Variants in UCK2 observed in about 807,000 individuals in gnomAD.
UCK2 encodes cytidine monophosphokinase 2.
In UCK2, 6 loss-of-function variants were observed where a neutral mutation model predicts 30.8. The ratio of observed to expected loss-of-function variants is 0.19; its 90% CI spans 0.11 to 0.38. The LOEUF is 0.38. Among genes scored for constraint, UCK2 ranks in the 10% least tolerant of loss-of-function variants. UCK2 has a pLI of 1.00. For synonymous variants in UCK2, 125 were observed against 133.6 expected, an observed-to-expected ratio of 0.94 and a Z score of 0.45; for missense variants, 210 against 339.8, an observed-to-expected ratio of 0.62 and a Z score of 3.00.
Position 165,870,903 on chromosome 1 carries a change from C to T in UCK2, c.100-19301C>T, listed in dbSNP as rs147314270. ...CACGATCTTGGCTCATTGCAACCTCCGCCGTCCAGGTTCAAGCCATTCTCC... is the reference window on the plus strand; with the variant it reads ...CACGATCTTGGCTCATTGCAACCTCTGCCGTCCAGGTTCAAGCCATTCTCC... On this transcript the variant is annotated intron_variant, in intron 1 of 6. Transcript: ENST00000367879. Among the ~76,000 whole-genome samples, 159 of 152,322 alleles carry T rather than the reference C, an allele frequency of 1.0e-3. 1 individual carries two copies. The East Asian group carries it at 0.024, about 23-fold the overall frequency.
intron 1 of UCK2, among the ~76,000 whole-genome samples, chr1:165,845,166 A>T (rs545868563): frequency 2.0e-5 from 3 of 152,088 alleles, no homozygotes; most frequent in Non-Finnish European, 4.4e-5. Context: ...CTCCAGGTAG[A>T]TCGTGTCAGA....
intron 1 of UCK2, among the ~76,000 whole-genome samples, chr1:165,835,532 A>G (rs1654166423): frequency 6.6e-6 from 1 of 151,986 alleles, no homozygotes; most frequent in Admixed American, 6.6e-5. Flanking sequence ...AGTTTTTTTC[A>G]TTATAAATAA....
rs543379797 is a variant in UCK2, at chr1:165,860,137, G to A, written c.100-30067G>A. Reference sequence around the variant, plus strand: ...AACCCTGTGCACGCAGTTGCACTGCGGGGCAGATTCAAGATGCTCACCCTG... The same window carrying A: ...AACCCTGTGCACGCAGTTGCACTGCAGGGCAGATTCAAGATGCTCACCCTG... On this transcript the variant is annotated intron_variant, in intron 1 of 6. Coordinates refer to ENST00000367879, the MANE Select transcript of UCK2 (RefSeq NM_012474.5). Among the ~76,000 whole-genome samples the A allele has an allele frequency of 5.9e-5, 9 of 152,284 alleles. No homozygotes were observed. In the South Asian group the frequency reaches 8.3e-4, roughly 14 times the overall value.
chr1:165,847,123 A>T (rs949202376), intron 1 of UCK2, among the ~76,000 whole-genome samples: 3 of 147,010 alleles, frequency 2.0e-5, no homozygotes, highest in African/African-American at 7.5e-5. Flanking sequence ...TGGTAAAAGT[A>T]AAAAAAAAAA....
At position 165,848,675 on chromosome 1, in the gene UCK2, CA is replaced by C. The variant is rs879925168; in HGVS notation, c.99+20744del. On this transcript the variant is annotated intron_variant, in intron 1 of 6. Coordinates refer to ENST00000367879, the MANE Select transcript of UCK2 (RefSeq NM_012474.5). ...ACACACACACCCACACACACACACA[CA>C]CCCCCAAAAACCCCCTGAGCTTTAC... 7.1e-4 allele frequency among the ~76,000 whole-genome samples: 108 copies of C among 152,034 alleles called. No homozygotes were observed. In the East Asian group the frequency reaches 0.013, roughly 19 times the overall value.
chr1:165,842,945 C>T (rs1018982947), intron 1 of UCK2, among the ~76,000 whole-genome samples: 4 of 152,322 alleles, frequency 2.6e-5, no homozygotes, highest in Admixed American at 2.6e-4. Context: ...CACTAGTGCA[C>T]GTGTGTTGAT....
intron 1 of UCK2, among the ~76,000 whole-genome samples, chr1:165,828,409 A>C (rs1292530763): frequency 6.6e-6 from 1 of 152,064 alleles, no homozygotes; most frequent in African/African-American, 2.4e-5. Context: ...CGCGGCCGAG[A>C]GGGCGAGGGT....
At chr1:165,879,501 C>T (rs1655423384) in intron 1 of UCK2, among the ~76,000 whole-genome samples, 1 of 151,602 alleles carries the variant, frequency 6.6e-6, no homozygotes, top group South Asian at 2.1e-4. Flanking sequence ...GCCAGTTTCA[C>T]AAATTAATAA....
chr1:165,833,322 G>T (rs1206184890), intron 1 of UCK2, among the ~76,000 whole-genome samples: 1 of 152,022 alleles, frequency 6.6e-6, no homozygotes, highest in Non-Finnish European at 1.5e-5. Context: ...ACTCTAGCTA[G>T]TCCAGCCAGA....
intron 1 of UCK2, among the ~76,000 whole-genome samples, chr1:165,888,608 T>C (rs900037087): frequency 7.3e-5 from 11 of 151,676 alleles, no homozygotes; most frequent in Admixed American, 1.3e-4. Context: ...GTTTTTCCTT[T>C]CTATTTATTC....
intron 1 of UCK2, among the ~76,000 whole-genome samples, chr1:165,850,426 G>A (rs1283659566): frequency 1.3e-5 from 2 of 150,802 alleles, no homozygotes; most frequent in East Asian, 2.0e-4. Flanking sequence ...CACCGTGCCC[G>A]GCCTTATTTT....
intron 1 of UCK2, among the ~76,000 whole-genome samples, chr1:165,835,268 G>A (rs898128049): frequency 4.1e-5 from 6 of 147,052 alleles, no homozygotes; most frequent in African/African-American, 1.6e-4. Flanking sequence ...ATTCATAACC[G>A]CTAAGAGAAT....
At chr1:165,834,847 CA>C (rs1654148278) in intron 1 of UCK2, among the ~76,000 whole-genome samples, 3 of 152,142 alleles carry the variant, frequency 2.0e-5, no homozygotes. Flanking sequence ...AGGTGACCAG[CA>C]GGCAGTACTT....
At chr1:165,866,127 C>T (rs4657487) in intron 1 of UCK2, among the ~76,000 whole-genome samples, 102,995 of 152,052 alleles carry the variant, frequency 0.68, 35,140 homozygotes, top group South Asian at 0.77. Flanking sequence ...AACTGGGAGA[C>T]TGGAGTATAG....
chr1:165,871,329 A>T (rs533788788), intron 1 of UCK2, among the ~76,000 whole-genome samples: 1 of 152,296 alleles, frequency 6.6e-6, no homozygotes, highest in South Asian at 2.1e-4. Context: ...TGTACTCCAG[A>T]CTTGCTGCTG....
intron 1 of UCK2, among the ~76,000 whole-genome samples, chr1:165,845,674 G>C (rs1314732850): frequency 6.6e-6 from 1 of 152,050 alleles, no homozygotes; most frequent in Non-Finnish European, 1.5e-5. Context: ...TTTGTTCATT[G>C]ATTGATTGAT....
At chr1:165,886,506 C>G (rs1655617055) in intron 1 of UCK2, among the ~76,000 whole-genome samples, 1 of 151,858 alleles carries the variant, frequency 6.6e-6, no homozygotes, top group African/African-American at 2.4e-5. Context: ...TGTTGCCCAC[C>G]CTGGGCTTGA....
intron 1 of UCK2, among the ~76,000 whole-genome samples, chr1:165,829,184 G>A (rs972417652): frequency 5.3e-5 from 8 of 152,160 alleles, no homozygotes; most frequent in African/African-American, 1.7e-4. Context: ...GATCTCGTCC[G>A]TAGCTCCCGG....
In UCK2 at chr1:165,887,797, AC is replaced by A. The variant is rs896303346; in HGVS notation, c.100-2404del. Among the ~76,000 whole-genome samples, 32 of 150,346 alleles carry A rather than the reference AC, an allele frequency of 2.1e-4. 1 individual carries two copies. The highest frequency in any genetic ancestry group is 1.9e-3 in the Admixed American group (29 of 15,102). On this transcript the variant is annotated intron_variant, in intron 1 of 6. Transcript: ENST00000367879. The stretch of plus-strand genomic sequence containing the variant: ...CCCCCCCCACCCATCCATCTGTAGC[AC>A]CCAGAGAGCCTTGGTTTTGTAACAT...
Sources: allele counts gnomAD v4.1 joint callset (sites outside exome capture counted in the v4.1 genomes callset), GRCh38; gene constraint gnomAD v4.1.1; transcripts MANE v1.5; gene names NCBI Gene and HGNC (gene_info 2026-07-23, HGNC 2026-07-21).